CTNNB1: variants seen among roughly 807,000 people sequenced by gnomAD.
CTNNB1 encodes catenin beta-1.
In CTNNB1, 6 loss-of-function variants were observed where a neutral mutation model predicts 82.5. The ratio of observed to expected loss-of-function variants is 0.07; its 90% CI spans 0.04 to 0.14. The LOEUF is 0.14. CTNNB1 is among the 10% of genes least tolerant of loss of function. CTNNB1 has a pLI of 1.00. For missense variants in CTNNB1, 529 were observed against 980.4 expected, an observed-to-expected ratio of 0.54 and a Z score of 6.15; for synonymous variants, 312 against 329.7, an observed-to-expected ratio of 0.95 and a Z score of 0.58.
chr3:41,233,665 T>C lies in CTNNB1; in HGVS notation c.1322T>C (p.Val441Ala). The C allele has an allele frequency of 6.2e-7, 1 of 1,614,124 alleles. No homozygotes were observed. Among genetic ancestry groups the C allele is most frequent in the East Asian group, 2.2e-5 (1 of 44,872 alleles). The change falls in exon 9 of 15, where the codon GTG (valine) becomes GCG (alanine). Residue 441 changes from valine (V) to alanine (A), a missense_variant. Physicochemically the swap from Val to Ala is moderately conservative, Grantham distance 64. This residue lies in a region of CTNNB1 where 411 missense variants were observed against 776.4 expected (regional missense o/e 0.53). Coordinates refer to ENST00000349496, the MANE Select transcript of CTNNB1 (RefSeq NM_001904.4). ...NYKNKMMVCQ[V>A]GGIEALVRTV... The stretch of plus-strand genomic sequence containing the variant: ...AAGAACAAGATGATGGTCTGCCAAG[T>C]GGGTGGTATAGAGGCTCTTGTGCGT...
intron 6 of CTNNB1, among the ~76,000 whole-genome samples, chr3:41,226,817 AATG>A (rs1195006464): frequency 6.6e-6 from 1 of 152,190 alleles, no homozygotes; most frequent in Non-Finnish European, 1.5e-5. Context: ...TAAAGGGCCA[AATG>A]ATGAGGAGTT....
At chr3:41,233,920 C>A (rs1421564380) in intron 9 of CTNNB1, 53 bp downstream of exon 9, 2 of 1,580,664 alleles carry the variant, frequency 1.3e-6, no homozygotes, top group African/African-American at 1.3e-5. Context: ...AATGAAGCAT[C>A]TCTAGCTGTT....
rs1020098242 is a variant in CTNNB1, at chr3:41,217,291, A to G, written c.-48-6730A>G. On this transcript the variant is annotated intron_variant, in intron 1 of 14. Coordinates refer to ENST00000349496, the MANE Select transcript of CTNNB1 (RefSeq NM_001904.4). ...CACCCACTAGAGTAGCACATCTTCT[A>G]CCTCATAAACTTGTTTATTAGTATT... Among the ~76,000 whole-genome samples the G allele has an allele frequency of 4.6e-5, 7 of 152,294 alleles. No homozygotes were observed. The South Asian group carries it at 8.3e-4, about 18-fold the overall frequency.
intron 1 of CTNNB1, among the ~76,000 whole-genome samples, chr3:41,200,691 T>A (rs1354540586): frequency 6.6e-6 from 1 of 152,242 alleles, no homozygotes; most frequent in Non-Finnish European, 1.5e-5. Flanking sequence ...GCAACTTCTT[T>A]CAGTGTTTTG....
At chr3:41,230,401 G>C (rs1233225642) in intron 7 of CTNNB1, among the ~76,000 whole-genome samples, 1 of 152,184 alleles carries the variant, frequency 6.6e-6, no homozygotes, top group East Asian at 1.9e-4. Flanking sequence ...TATGGGACTG[G>C]AAGCTTAGGA....
intron 1 of CTNNB1, among the ~76,000 whole-genome samples, chr3:41,207,132 G>C (rs1389664993): frequency 6.6e-6 from 1 of 152,068 alleles, no homozygotes; most frequent in Admixed American, 6.6e-5. Flanking sequence ...TCCTGATTCA[G>C]AGTGTCAGCA....
chr3:41,227,167 A>G (rs763365374), intron 6 of CTNNB1, 41 bp from the exon 7 acceptor site: 11 of 1,542,526 alleles, frequency 7.1e-6, no homozygotes, highest in Non-Finnish European at 9.0e-6. Flanking sequence ...CATGTGATCA[A>G]GATTCCTTGA....
chr3:41,206,790 G>T (rs1239168188), intron 1 of CTNNB1, among the ~76,000 whole-genome samples: 1 of 152,008 alleles, frequency 6.6e-6, no homozygotes. Context: ...AACTTTGGAG[G>T]CTTCCAAGTG....
At chr3:41,218,914 C>T (rs1054956069) in intron 1 of CTNNB1, among the ~76,000 whole-genome samples, 2 of 152,132 alleles carry the variant, frequency 1.3e-5, no homozygotes, top group African/African-American at 2.4e-5. Flanking sequence ...GCCCCCAGGC[C>T]TCCTGTATTG....
chr3:41,214,148 G>A (rs995670876), intron 1 of CTNNB1, among the ~76,000 whole-genome samples: 1 of 152,164 alleles, frequency 6.6e-6, no homozygotes, highest in African/African-American at 2.4e-5. Context: ...CACACATGAA[G>A]TTTGGATCAT....
At chr3:41,237,779 T>A in intron 13 of CTNNB1, 2 of 498,096 alleles carry the variant, frequency 4.0e-6, no homozygotes, top group Middle Eastern at 5.9e-4. Context: ...GTGCTTAATA[T>A]AATATTTGTT....
At chr3:41,224,281 C>T in intron 2 of CTNNB1, 200 bp downstream of exon 2, 2 of 733,322 alleles carry the variant, frequency 2.7e-6, no homozygotes, top group South Asian at 1.7e-5. Context: ...TGGATGACTG[C>T]TTCTGGAGCC....
intron 1 of CTNNB1, chr3:41,221,456 C>G (rs1360216954): frequency 6.6e-6 from 1 of 151,846 alleles, no homozygotes; most frequent in Non-Finnish European, 1.5e-5. Context: ...TCCTCTTTGC[C>G]TCAGCCTCCC....
At chr3:41,200,104 T>A (rs968203953) in intron 1 of CTNNB1, 1 of 152,124 alleles carries the variant, frequency 6.6e-6, no homozygotes, top group African/African-American at 2.4e-5. Context: ...TCTCAGCTCT[T>A]GCGGCGAGTT....
intron 2 of CTNNB1, 100 bp from the exon 3 acceptor site, chr3:41,224,426 T>G: frequency 8.0e-7 from 1 of 1,244,828 alleles, no homozygotes; most frequent in Non-Finnish European, 1.1e-6. Flanking sequence ...TTTGACTTTA[T>G]TTCTAAAAAT....
At chr3:41,231,331 A>C (rs2125634635) in intron 7 of CTNNB1, among the ~76,000 whole-genome samples, 1 of 152,078 alleles carries the variant, frequency 6.6e-6, no homozygotes, top group East Asian at 1.9e-4. Context: ...TATCTCAAAA[A>C]AAAAAAAAAG....
At chr3:41,207,881 T>C (rs2077686600) in intron 1 of CTNNB1, among the ~76,000 whole-genome samples, 1 of 152,248 alleles carries the variant, frequency 6.6e-6, no homozygotes, top group Admixed American at 6.5e-5. Flanking sequence ...GCACACCTTA[T>C]AACACTGAAC....
At chr3:41,207,085 C>CT (rs1345908649) in intron 1 of CTNNB1, among the ~76,000 whole-genome samples, 1 of 152,148 alleles carries the variant, frequency 6.6e-6, no homozygotes, top group East Asian at 1.9e-4. Flanking sequence ...CCGTTGATCA[C>CT]TGTTTCCTGC....
At chr3:41,221,466 C>G (rs893030038) in intron 1 of CTNNB1, 4 of 151,968 alleles carry the variant, frequency 2.6e-5, no homozygotes, top group Non-Finnish European at 5.9e-5. Flanking sequence ...CTCAGCCTCC[C>G]CAGTGGCTAG....
Sources: allele counts gnomAD v4.1 joint callset (sites outside exome capture counted in the v4.1 genomes callset), GRCh38; gene constraint gnomAD v4.1.1; regional missense constraint gnomAD v4.1.1; transcripts MANE v1.5; gene names NCBI Gene and HGNC (gene_info 2026-07-23, HGNC 2026-07-21).